Variants in SLIT1 observed in about 807,000 individuals in gnomAD.
SLIT1 encodes slit homolog 1 protein.
SLIT1 carries 66 observed loss-of-function variants against 186.1 expected under a neutral mutation model. That is an observed-to-expected ratio of 0.35 (90% CI 0.29 to 0.44). SLIT1 has a LOEUF of 0.44. Among genes scored for constraint, SLIT1 ranks in the 20% least tolerant of loss-of-function variants. The probability of loss-of-function intolerance (pLI) is 1.00; values close to 1 mark genes in which losing one functional copy is unlikely to be tolerated. For synonymous variants in SLIT1, 761 were observed against 833.8 expected (o/e 0.91, Z 1.50); for missense variants, 1,638 against 2,037.4 (o/e 0.80, Z 3.77).
chr10:97,056,414 T>C lies in SLIT1; in HGVS notation c.1208A>G (p.Asp403Gly). ...INCIRPDAFQ[D>G]LQNLSLLSLY... ...GGAGAGCAGTGAGAGGTTCTGCAGGTCCTGGAAGGCATCGGGCCGGATGCA... is the reference window on the plus strand; with the variant it reads ...GGAGAGCAGTGAGAGGTTCTGCAGGCCCTGGAAGGCATCGGGCCGGATGCA... Residue 403 changes from aspartate to glycine, a missense_variant, in exon 13 of 37, where the codon GAC (aspartate) becomes GGC (glycine). By Grantham distance (94) the Asp-to-Gly change is moderately conservative. Around this residue, in one of 3 missense-constraint regions of SLIT1, gnomAD observed 1,245 missense variants for 1,535.3 expected, o/e 0.81. Coordinates refer to ENST00000266058, the MANE Select transcript of SLIT1 (RefSeq NM_003061.3). 1 of 1,614,134 alleles carries C rather than the reference T, an allele frequency of 6.2e-7. No individual in the cohort carries two copies. The highest frequency in any genetic ancestry group is 1.1e-5 in the South Asian group (1 of 91,078).
rs1376392115 is a variant in SLIT1, at chr10:97,112,118, CT to C, written c.413+45699del. Among the ~76,000 whole-genome samples, 65 of 152,360 alleles carry C rather than the reference CT, an allele frequency of 4.3e-4. 1 individual carries two copies. The highest frequency in any genetic ancestry group is 4.3e-4 in the Non-Finnish European group (29 of 68,036). ...TCCAAGGCTACACAGGCTGTTCCCC[CT>C]GTCCTTCCCTTCGTCACCTCTCTCT... On this transcript the variant is annotated intron_variant, in intron 4 of 36. Coordinates refer to ENST00000266058, the MANE Select transcript of SLIT1 (RefSeq NM_003061.3).
intron 4 of SLIT1, among the ~76,000 whole-genome samples, chr10:97,100,680 A>AT (rs1849342577): frequency 6.6e-6 from 1 of 152,240 alleles, no homozygotes; most frequent in Non-Finnish European, 1.5e-5. Context: ...CATTAAAATA[A>AT]TGACCATAAC....
chr10:97,018,420 G>A (rs1407698589), intron 28 of SLIT1, among the ~76,000 whole-genome samples, 166 bp downstream of exon 28: 1 of 152,224 alleles, frequency 6.6e-6, no homozygotes, highest in Non-Finnish European at 1.5e-5. Flanking sequence ...GGCTTGGAGA[G>A]CCCTCTGGCT....
At chr10:97,166,279 C>T (rs1489241477) in intron 1 of SLIT1, among the ~76,000 whole-genome samples, 1 of 151,940 alleles carries the variant, frequency 6.6e-6, no homozygotes, top group Non-Finnish European at 1.5e-5. Context: ...CTTTGGGAGG[C>T]CGAGGCGGGT....
chr10:97,157,809 G>A lies in SLIT1; in HGVS notation c.413+9C>T, dbSNP rs368730513. On this transcript the variant is annotated intron_variant, in intron 4 of 36. Transcript: ENST00000266058. The stretch of plus-strand genomic sequence containing the variant: ...AGGGAGAACTCTCTGGCCACAGAGC[G>A]TCACTCACAGTCTTGACAAAGCCTG... 8.4e-5 allele frequency: 135 copies of A among 1,607,866 alleles called. No homozygotes were observed. The highest frequency in any genetic ancestry group is 5.2e-4 in the African/African-American group (39 of 74,794).
At chr10:97,107,433 C>T (rs1793759903) in intron 4 of SLIT1, among the ~76,000 whole-genome samples, 1 of 152,174 alleles carries the variant, frequency 6.6e-6, no homozygotes, top group South Asian at 2.1e-4. Context: ...CCTGGGCCTC[C>T]CCTTCTCCCC....
chr10:97,007,510 C>T (rs1848370019), intron 31 of SLIT1, among the ~76,000 whole-genome samples: 1 of 149,798 alleles, frequency 6.7e-6, no homozygotes, highest in Non-Finnish European at 1.5e-5. Flanking sequence ...AACTACAGAC[C>T]AATATCTATT....
chr10:97,094,649 C>T lies in SLIT1; in HGVS notation c.414-28563G>A, dbSNP rs546918392. Reference sequence around the variant, plus strand: ...GAATGCAGCTGTGTGGAGCAGGTGACGGCAGCACTAGGACCAGAAATTGCC... The same window carrying T: ...GAATGCAGCTGTGTGGAGCAGGTGATGGCAGCACTAGGACCAGAAATTGCC... On this transcript the variant is annotated intron_variant, in intron 4 of 36. Coordinates refer to ENST00000266058, the MANE Select transcript of SLIT1 (RefSeq NM_003061.3). 7.9e-5 allele frequency among the ~76,000 whole-genome samples: 12 copies of T among 152,180 alleles called. No individual in the cohort carries two copies. The East Asian group carries it at 1.4e-3, about 17-fold the overall frequency.
chr10:97,151,474 G>T (rs1190818094), intron 4 of SLIT1, among the ~76,000 whole-genome samples: 2 of 151,800 alleles, frequency 1.3e-5, no homozygotes, highest in Non-Finnish European at 2.9e-5. Flanking sequence ...GGATGGGTCA[G>T]GAGTAGGGAG....
intron 1 of SLIT1, among the ~76,000 whole-genome samples, chr10:97,182,499 C>A (rs189395155): frequency 6.6e-6 from 1 of 152,332 alleles, no homozygotes; most frequent in Admixed American, 6.5e-5. Context: ...TCAAGATGTT[C>A]TTTTCCTCTT....
In SLIT1 at chr10:97,000,919, C is replaced by A. The variant is rs1392129389; in HGVS notation, c.*193G>T. The A allele has an allele frequency of 3.4e-6, 2 of 594,370 alleles. No homozygotes were observed. Among genetic ancestry groups the A allele is most frequent in the East Asian group, 2.8e-5 (1 of 36,042 alleles). The allele number at this position is 594,370 out of a possible 1,614,324, so 36.8% of individuals were successfully genotyped here. A position where few individuals can be genotyped will look rare whatever the true frequency, so the allele number is the denominator to read the frequency against. On this transcript the variant is annotated 3_prime_UTR_variant, in exon 37 of 37. Coordinates refer to ENST00000266058, the MANE Select transcript of SLIT1 (RefSeq NM_003061.3). The stretch of plus-strand genomic sequence containing the variant: ...CAGCCCGCAGCTCAGGCCTCGCCCA[C>A]CCCCGCTGCCCCCAGCTATGGCGCA...
chr10:97,108,817 G>C (rs1849437949), intron 4 of SLIT1, among the ~76,000 whole-genome samples: 1 of 147,640 alleles, frequency 6.8e-6, no homozygotes, highest in Non-Finnish European at 1.5e-5. Context: ...GAACCTGGTA[G>C]GCAGAGGTTG....
intron 4 of SLIT1, among the ~76,000 whole-genome samples, chr10:97,098,965 G>C (rs995762009): frequency 1.3e-5 from 2 of 152,162 alleles, no homozygotes; most frequent in Admixed American, 1.3e-4. Flanking sequence ...CCAGTTTCCT[G>C]AGCAATAAAG....
intron 4 of SLIT1, chr10:97,154,971 C>T (rs1389351465): frequency 6.6e-6 from 1 of 152,250 alleles, no homozygotes; most frequent in African/African-American, 2.4e-5. Flanking sequence ...CTCTTTCCAA[C>T]CTGTCTCGCT....
In SLIT1 at chr10:97,185,725, C is replaced by A; in HGVS notation, c.-51G>T. 7.1e-7 allele frequency: 1 copy of A among 1,404,938 alleles called. No homozygotes were observed. Among genetic ancestry groups the A allele is most frequent in the South Asian group, 1.5e-5 (1 of 66,598 alleles). The allele number at this position is 1,404,938 out of a possible 1,614,324, so 87.0% of individuals were successfully genotyped here. The stretch of plus-strand genomic sequence containing the variant: ...GAGCCAGACGGCAGCAGCCGCTGAC[C>A]ATCCCCGTCCGGGGCCGCCTCCAGG... On this transcript the variant is annotated 5_prime_UTR_variant, in exon 1 of 37. An upstream start codon of the reference 5' UTR is lost. Transcript: ENST00000266058.
chr10:97,093,038 C>T (rs958853779), intron 4 of SLIT1, among the ~76,000 whole-genome samples: 67 of 152,320 alleles, frequency 4.4e-4, no homozygotes, highest in African/African-American at 1.6e-3. Flanking sequence ...CTGCCTTAAT[C>T]CACATCTTAA....
intron 13 of SLIT1, among the ~76,000 whole-genome samples, chr10:97,054,010 T>G (rs1257430491): frequency 2.0e-5 from 3 of 152,030 alleles, no homozygotes; most frequent in Non-Finnish European, 4.4e-5. Context: ...AAGGAATACC[T>G]GAGACTAGGT....
chr10:97,067,270 G>C (rs1245722409), intron 4 of SLIT1, among the ~76,000 whole-genome samples: 1 of 152,206 alleles, frequency 6.6e-6, no homozygotes, highest in Non-Finnish European at 1.5e-5. Flanking sequence ...GTGACTGCCA[G>C]GCCAGCTTTG....
At chr10:97,140,556 C>A (rs978468275) in intron 4 of SLIT1, among the ~76,000 whole-genome samples, 2 of 152,176 alleles carry the variant, frequency 1.3e-5, no homozygotes, top group African/African-American at 2.4e-5. Flanking sequence ...GGTATTCAGT[C>A]GATACCTTCC....
Sources: allele counts gnomAD v4.1 joint callset (sites outside exome capture counted in the v4.1 genomes callset), GRCh38; gene constraint gnomAD v4.1.1; regional missense constraint gnomAD v4.1.1; transcripts MANE v1.5; gene names NCBI Gene and HGNC (gene_info 2026-07-23, HGNC 2026-07-21).